The following PRKCB variants were observed in gnomAD, a reference collection of about 807,000 sequenced individuals.
PRKCB encodes the protein protein kinase C beta type.
In PRKCB, 13 loss-of-function variants were observed where a neutral mutation model predicts 81.5. The observed-to-expected ratio is 0.16, with a 90% confidence interval of 0.10 to 0.25. PRKCB has a LOEUF of 0.25. Among genes scored for constraint, PRKCB ranks in the 10% least tolerant of loss-of-function variants. The pLI is 1.00. For synonymous variants in PRKCB, 335 were observed against 321.4 expected (o/e 1.04, Z -0.45); for missense variants, 509 against 875.7 (o/e 0.58, Z 5.29).
intron 3 of PRKCB, among the ~76,000 whole-genome samples, chr16:23,990,814 C>T (rs901261981): frequency 6.6e-6 from 1 of 152,148 alleles, no homozygotes; most frequent in African/African-American, 2.4e-5. Flanking sequence ...TCCCAAAGTG[C>T]TAGAATTACA....
At chr16:24,192,719 T>C (rs557082615) in intron 16 of PRKCB, among the ~76,000 whole-genome samples, 2 of 152,288 alleles carry the variant, frequency 1.3e-5, no homozygotes, top group Admixed American at 6.5e-5. Flanking sequence ...CAGTATGCAG[T>C]GTCAGAGCCA....
chr16:24,005,335 G>A (rs554412495), intron 3 of PRKCB, among the ~76,000 whole-genome samples: 8 of 151,972 alleles, frequency 5.3e-5, no homozygotes, highest in East Asian at 1.9e-4. Context: ...ATAAATTTTC[G>A]TGAATACTTA....
chr16:23,867,080 TTCTTTCTTTC>T (rs1307038672), intron 2 of PRKCB, among the ~76,000 whole-genome samples: 5 of 139,394 alleles, frequency 3.6e-5, no homozygotes, highest in Non-Finnish European at 6.4e-5. Flanking sequence ...TTCTTTCTCT[TTCTTTCTTTC>T]TCTTTCTTTC....
At chr16:24,043,621 A>G (rs1965729535) in intron 5 of PRKCB, among the ~76,000 whole-genome samples, 1 of 152,164 alleles carries the variant, frequency 6.6e-6, no homozygotes, top group Non-Finnish European at 1.5e-5. Context: ...GTTTTGGGAT[A>G]CTGGACCTAA....
chr16:24,022,238 G>C (rs772568606), intron 3 of PRKCB, among the ~76,000 whole-genome samples: 7 of 152,116 alleles, frequency 4.6e-5, no homozygotes, highest in Non-Finnish European at 8.8e-5. Context: ...TTCCAGCACT[G>C]TTGGGAAGAA....
At chr16:23,969,521 T>C (rs923361546) in intron 2 of PRKCB, among the ~76,000 whole-genome samples, 1 of 152,210 alleles carries the variant, frequency 6.6e-6, no homozygotes, top group Non-Finnish European at 1.5e-5. Context: ...TCATGCCTTA[T>C]TTTCTCATCT....
intron 10 of PRKCB, among the ~76,000 whole-genome samples, chr16:24,171,858 C>T (rs970728425): frequency 4.6e-5 from 7 of 152,032 alleles, no homozygotes; most frequent in South Asian, 2.1e-4. Flanking sequence ...CTCAGCCTCC[C>T]GAGTAGCTGG....
At position 24,077,120 on chromosome 16, in the gene PRKCB, C is replaced by T. The variant is rs569504589; in HGVS notation, c.530-15671C>T. On this transcript the variant is annotated intron_variant, in intron 5 of 16. Transcript: ENST00000643927. ...GACCCTGTTCCAGTACTGAGCACAG[C>T]ATCAGTACTGGTTAGCTTGTGCTTG... is the stretch of plus-strand genomic sequence containing the variant. Among the ~76,000 whole-genome samples the T allele has an allele frequency of 5.3e-5, 8 of 152,064 alleles. 1 individual carries two copies. The South Asian group carries it at 1.7e-3, about 32-fold the overall frequency.
chr16:24,047,371 T>C (rs954775359), intron 5 of PRKCB, among the ~76,000 whole-genome samples: 6 of 151,076 alleles, frequency 4.0e-5, no homozygotes, highest in Non-Finnish European at 8.9e-5. Flanking sequence ...TAAAATAAAA[T>C]AAAATACAAA....
intron 5 of PRKCB, among the ~76,000 whole-genome samples, chr16:24,055,464 G>A (rs577545349): frequency 2.0e-5 from 3 of 152,354 alleles, no homozygotes; most frequent in East Asian, 1.9e-4. Flanking sequence ...GGGCTTTCAC[G>A]TCGGCTTCTC....
intron 7 of PRKCB, among the ~76,000 whole-genome samples, chr16:24,112,479 A>T (rs964700874): frequency 6.6e-6 from 1 of 152,178 alleles, no homozygotes; most frequent in Non-Finnish European, 1.5e-5. Context: ...TCGAGGCTTC[A>T]GTGAGCTGTG....
chr16:24,137,839 A>G (rs1405549762), intron 9 of PRKCB, among the ~76,000 whole-genome samples: 1 of 152,192 alleles, frequency 6.6e-6, no homozygotes, highest in Non-Finnish European at 1.5e-5. Context: ...TGGATGTACA[A>G]ATGTGGATGG....
At chr16:24,207,521 T>C (rs978171421) in intron 16 of PRKCB, among the ~76,000 whole-genome samples, 2 of 152,216 alleles carry the variant, frequency 1.3e-5, no homozygotes, top group African/African-American at 2.4e-5. Context: ...TGGGAAGATA[T>C]TGTACACACT....
chr16:24,030,792 G>A (rs955833735), intron 3 of PRKCB, among the ~76,000 whole-genome samples: 4 of 152,060 alleles, frequency 2.6e-5, no homozygotes, highest in Non-Finnish European at 5.9e-5. Flanking sequence ...CAGCTACTCG[G>A]GAGGCTGAGA....
chr16:23,982,126 T>C (rs1318820669), intron 2 of PRKCB, among the ~76,000 whole-genome samples: 2 of 32,082 alleles, frequency 6.2e-5, no homozygotes, highest in Non-Finnish European at 1.2e-4. Flanking sequence ...CCCTTCCCCT[T>C]CCCTTCCCTT....
Position 24,215,890 on chromosome 16 carries a change from C to G in PRKCB, c.*1074C>G. On this transcript the variant is annotated 3_prime_UTR_variant, in exon 17 of 17. Coordinates refer to ENST00000643927, the MANE Select transcript of PRKCB (RefSeq NM_002738.7). ...TCTTGAAACAAAGATGGTTGTATTC[C>G]TCACTTTGATGTTGTTTTGCAAGAT... 1.0e-6 allele frequency: 1 copy of G among 985,084 alleles called. No individual in the cohort carries two copies. Among genetic ancestry groups the G allele is most frequent in the Non-Finnish European group, 1.2e-6 (1 of 829,872 alleles). The allele number at this position is 985,084 out of a possible 1,614,324, so 61.0% of individuals were successfully genotyped here. A position where few individuals can be genotyped will look rare whatever the true frequency, so the allele number is the denominator to read the frequency against.
intron 3 of PRKCB, among the ~76,000 whole-genome samples, chr16:24,015,886 G>A (rs147654815): frequency 0.013 from 1,970 of 152,334 alleles, 23 homozygotes; most frequent in Non-Finnish European, 0.019. Context: ...CAAGACTGAA[G>A]TCCAAGAAGT....
rs1009683505 is a variant in PRKCB, at chr16:24,215,663, A to G, written c.*847A>G. 1.6e-5 allele frequency: 16 copies of G among 984,406 alleles called. No homozygotes were observed. Among genetic ancestry groups the G allele is most frequent in the African/African-American group, 1.1e-4 (6 of 57,002 alleles). The allele number at this position is 984,406 out of a possible 1,614,324, so 61.0% of individuals were successfully genotyped here. A position where few individuals can be genotyped will look rare whatever the true frequency, so the allele number is the denominator to read the frequency against. ...GCAAAAAAAAGAAAAAAAAAGAAAAAAAAAGGTGACTCACATTGTTACACA... is the reference window on the plus strand; with the variant it reads ...GCAAAAAAAAGAAAAAAAAAGAAAAGAAAAGGTGACTCACATTGTTACACA... On this transcript the variant is annotated 3_prime_UTR_variant, in exon 17 of 17. Transcript: ENST00000643927.
At chr16:23,992,378 C>T (rs1964897486) in intron 3 of PRKCB, among the ~76,000 whole-genome samples, 1 of 152,088 alleles carries the variant, frequency 6.6e-6, no homozygotes, top group African/African-American at 2.4e-5. Flanking sequence ...GCTAATTACC[C>T]TATTTCTAGT....
Sources: gnomAD v4.1 joint callset for allele counts (sites outside exome capture counted in the v4.1 genomes callset) on GRCh38, gnomAD v4.1.1 for gene constraint, MANE v1.5 for transcripts, NCBI Gene and HGNC (gene_info 2026-07-23, HGNC 2026-07-21) for gene names.